Variants in CAPN8 observed in about 807,000 individuals in gnomAD.
CAPN8 encodes calpain 8.
A neutral mutation model predicts 80.9 loss-of-function variants in CAPN8; 87 were observed. That is an observed-to-expected ratio of 1.07 (90% CI 0.90 to 1.28). CAPN8 has a LOEUF of 1.28. Among genes scored for constraint, CAPN8 ranks in the 50% most tolerant of loss-of-function variants. CAPN8 has a pLI of 0.00. For missense variants in CAPN8, 757 were observed against 702.0 expected, an observed-to-expected ratio of 1.08 and a Z score of -0.89; for synonymous variants, 299 against 273.8, an observed-to-expected ratio of 1.09 and a Z score of -0.91.
intron 20 of CAPN8, among the ~76,000 whole-genome samples, chr1:223,542,471 G>C (rs1191804786): frequency 6.6e-6 from 1 of 152,094 alleles, no homozygotes; most frequent in African/African-American, 2.4e-5. Context: ...AAAAGAAAGT[G>C]GGTAAGCACA....
At chr1:223,619,665 C>T (rs952161693) in intron 8 of CAPN8, among the ~76,000 whole-genome samples, 1 of 152,232 alleles carries the variant, frequency 6.6e-6, no homozygotes. Flanking sequence ...GGGAGCCCCA[C>T]ACACATATCT....
chr1:223,541,975 G>A (rs1656477401), intron 20 of CAPN8, 116 bp from the exon 21 acceptor site: 5 of 1,491,154 alleles, frequency 3.4e-6, no homozygotes, highest in Admixed American at 2.0e-5. Flanking sequence ...TCTCCAGTAA[G>A]TGCCTTGCTC....
intron 2 of CAPN8, among the ~76,000 whole-genome samples, chr1:223,650,886 C>A (rs1658327540): frequency 6.6e-6 from 1 of 152,114 alleles, no homozygotes; most frequent in African/African-American, 2.4e-5. Context: ...GCCACAGAGA[C>A]CTCAAGATGC....
chr1:223,557,928 T>C (rs1572226946), intron 13 of CAPN8, among the ~76,000 whole-genome samples: 1 of 152,026 alleles, frequency 6.6e-6, no homozygotes, highest in Non-Finnish European at 1.5e-5. Context: ...CCCCAGGGGG[T>C]AGGGATATAT....
intron 2 of CAPN8, among the ~76,000 whole-genome samples, chr1:223,650,905 G>A (rs760672549): frequency 7.2e-5 from 11 of 152,172 alleles, no homozygotes; most frequent in Non-Finnish European, 1.3e-4. Context: ...GCTCTGAGAC[G>A]TGCATAGGCC....
At chr1:223,550,831 T>C (rs1258283340) in intron 15 of CAPN8, 129 bp downstream of exon 15, 2 of 594,730 alleles carry the variant, frequency 3.4e-6, no homozygotes, top group African/African-American at 1.9e-5. Flanking sequence ...GAATCAGGGC[T>C]CCTGGGGTCA....
intron 16 of CAPN8, among the ~76,000 whole-genome samples, chr1:223,546,889 GT>G (rs1558335192): frequency 1.8e-4 from 2 of 11,166 alleles, no homozygotes; most frequent in Non-Finnish European, 2.8e-4. Context: ...TTTTGTGGTT[GT>G]TGTTGTTGTT....
intron 10 of CAPN8, among the ~76,000 whole-genome samples, chr1:223,612,717 C>T (rs1201805883): frequency 1.3e-5 from 2 of 152,148 alleles, no homozygotes; most frequent in African/African-American, 4.8e-5. Context: ...GCACATGACC[C>T]AAGCTGAGCC....
At chr1:223,634,319 C>T (rs1263181807) in intron 2 of CAPN8, among the ~76,000 whole-genome samples, 1 of 152,098 alleles carries the variant, frequency 6.6e-6, no homozygotes, top group Non-Finnish European at 1.5e-5. Flanking sequence ...GTCCACTGGA[C>T]CCTGAGGAAA....
rs1200671213 is a variant in CAPN8 at position 223,544,851 on chromosome 1, C to G, written c.1834-1G>C. On this transcript the variant is annotated splice_acceptor_variant, in intron 17 of 20. Coordinates refer to ENST00000366872, the MANE Select transcript of CAPN8 (RefSeq NM_001143962.2). LOFTEE classifies it high-confidence loss of function. ...TATAATCAGTTTCCCAATAGATCTC[C>G]TAAAGCAGGAAAGAAATCCCAAGTA... The G allele has an allele frequency of 6.4e-7, 1 of 1,551,658 alleles. No individual in the cohort carries two copies. The highest frequency in any genetic ancestry group is 2.0e-5 in the Admixed American group (1 of 51,006).
chr1:223,637,175 C>T (rs949179170), intron 2 of CAPN8, among the ~76,000 whole-genome samples: 27 of 152,176 alleles, frequency 1.8e-4, no homozygotes, highest in Admixed American at 5.9e-4. Context: ...TCTTCATTCC[C>T]TCCAAATGAT....
intron 19 of CAPN8, among the ~76,000 whole-genome samples, chr1:223,543,395 C>T (rs1320141272): frequency 2.6e-5 from 4 of 152,060 alleles, no homozygotes; most frequent in African/African-American, 4.8e-5. Context: ...AGACAAACCC[C>T]GTTGCCAGCA....
chr1:223,657,203 T>C (rs1419605434), intron 1 of CAPN8, among the ~76,000 whole-genome samples: 1 of 152,168 alleles, frequency 6.6e-6, no homozygotes, highest in Non-Finnish European at 1.5e-5. Context: ...AAGAGAAAAG[T>C]GGCACCAGCC....
intron 8 of CAPN8, 113 bp downstream of exon 8, chr1:223,620,079 A>G (rs564907599): frequency 2.9e-4 from 250 of 860,988 alleles, no homozygotes; most frequent in Middle Eastern, 1.1e-3. Context: ...TGAATTCACC[A>G]TGATCAGGAA....
chr1:223,665,515 G>T lies in CAPN8; in HGVS notation c.132C>A (p.Val44=). The T allele has an allele frequency of 6.4e-7, 1 of 1,551,742 alleles. No individual in the cohort carries two copies. Among genetic ancestry groups the T allele is most frequent in the South Asian group, 1.2e-5 (1 of 84,040 alleles). Reference sequence around the variant, plus strand: ...CTGGGAACTCAGGGTCCTTAAATAGGACCCCTGAGTCCAAGCACTGTTGCC... The same window carrying T: ...CTGGGAACTCAGGGTCCTTAAATAGTACCCCTGAGTCCAAGCACTGTTGCC... ...TLRQQCLDSG[V]LFKDPEFPAC... Residue 44 remains valine, a synonymous_variant, in exon 1 of 21, where the codon GTC becomes GTA. Coordinates refer to ENST00000366872, the MANE Select transcript of CAPN8 (RefSeq NM_001143962.2).
At chr1:223,647,877 G>T (rs1658233739) in intron 2 of CAPN8, among the ~76,000 whole-genome samples, 1 of 152,200 alleles carries the variant, frequency 6.6e-6, no homozygotes, top group East Asian at 1.9e-4. Flanking sequence ...TGAAATGGCA[G>T]TGAGCAGACG....
chr1:223,657,917 G>A (rs957537228), intron 1 of CAPN8, among the ~76,000 whole-genome samples: 6 of 152,048 alleles, frequency 3.9e-5, no homozygotes, highest in African/African-American at 9.7e-5. Context: ...ATTTGGTACC[G>A]TTGGCTATTC....
At chr1:223,550,178 C>G (rs1656744729) in intron 15 of CAPN8, among the ~76,000 whole-genome samples, 1 of 152,220 alleles carries the variant, frequency 6.6e-6, no homozygotes, top group East Asian at 1.9e-4. Flanking sequence ...TTTCTCTCCA[C>G]TCTTCAACAA....
chr1:223,633,597 G>A (rs948278049), intron 2 of CAPN8, among the ~76,000 whole-genome samples: 2 of 152,110 alleles, frequency 1.3e-5, no homozygotes, highest in African/African-American at 2.4e-5. Flanking sequence ...AGGAGGCAGA[G>A]GTTGCAGTGA....
Sources: gnomAD v4.1 joint callset for allele counts (sites outside exome capture counted in the v4.1 genomes callset) on GRCh38, gnomAD v4.1.1 for gene constraint, MANE v1.5 for transcripts, NCBI Gene and HGNC (gene_info 2026-07-23, HGNC 2026-07-21) for gene names.